Variants in ZC4H2 observed in about 807,000 individuals in gnomAD.
ZC4H2 encodes zinc finger C4H2 domain-containing protein.
For synonymous variants in ZC4H2, 84 were observed against 66.3 expected, an observed-to-expected ratio of 1.27 and a Z score of -1.30; for missense variants, 137 against 173.9, an observed-to-expected ratio of 0.79 and a Z score of 1.19.
chrX:64,975,372 G>A (rs1931913876), intron 1 of ZC4H2, among the ~76,000 whole-genome samples: 1 of 102,614 alleles, frequency 9.7e-6, no homozygotes, highest in Non-Finnish European at 2.0e-5. Flanking sequence ...AGCACTCTAA[G>A]GGTTAAATCT....
chrX:64,984,113 C>T (rs188360970), intron 1 of ZC4H2, among the ~76,000 whole-genome samples: 27 of 111,345 alleles, frequency 2.4e-4, no homozygotes, highest in Non-Finnish European at 4.1e-4. Flanking sequence ...TTTTGAGTCT[C>T]CAGAGTCGAT....
chrX:65,029,393 G>A (rs1932912436), intron 1 of ZC4H2, among the ~76,000 whole-genome samples: 1 of 111,673 alleles, frequency 9.0e-6, no homozygotes, highest in Admixed American at 9.5e-5. Flanking sequence ...GAGGGTGAAT[G>A]GGAAGTGAAG....
intron 1 of ZC4H2, among the ~76,000 whole-genome samples, chrX:64,968,106 A>T (rs896301999): frequency 8.9e-6 from 1 of 112,535 alleles, no homozygotes; most frequent in African/African-American, 3.2e-5. Flanking sequence ...TCTGTTAAGA[A>T]AGGCTTTATT....
chrX:64,944,101 G>A (rs1442234817), intron 1 of ZC4H2, among the ~76,000 whole-genome samples: 1 of 107,348 alleles, frequency 9.3e-6, no homozygotes, highest in East Asian at 2.9e-4. Context: ...GCTTATTTTA[G>A]CTGGATATGA....
intron 1 of ZC4H2, among the ~76,000 whole-genome samples, chrX:64,955,015 T>C (rs1290897578): frequency 1.8e-5 from 2 of 111,875 alleles, no homozygotes; most frequent in Non-Finnish European, 3.8e-5. Flanking sequence ...GGACAGCCAC[T>C]TTGTCCTTCC....
chrX:64,956,833 A>T (rs1296829643), intron 1 of ZC4H2, among the ~76,000 whole-genome samples: 5 of 111,977 alleles, frequency 4.5e-5, no homozygotes. Flanking sequence ...GGTACCCTCT[A>T]CTCTGTCCTT....
intron 1 of ZC4H2, among the ~76,000 whole-genome samples, chrX:64,954,355 A>G (rs1232403436): frequency 1.5e-5 from 1 of 67,118 alleles, no homozygotes; most frequent in Admixed American, 1.6e-4. Context: ...TATATATATA[A>G]TTATATATAT....
intron 1 of ZC4H2, among the ~76,000 whole-genome samples, chrX:65,020,370 G>A (rs1275847667): frequency 1.8e-5 from 2 of 111,709 alleles, no homozygotes; most frequent in East Asian, 5.6e-4. Flanking sequence ...GAATAGTGTG[G>A]GGGCCAATAT....
At position 64,916,797 on chromosome X, in the gene ZC4H2, T is replaced by C. The variant is rs973107733; in HGVS notation, c.*986A>G. On this transcript the variant is annotated 3_prime_UTR_variant, in exon 5 of 5. Coordinates refer to ENST00000374839, the MANE Select transcript of ZC4H2 (RefSeq NM_018684.4). ...TCCTGAGCTGAGGCTCCAGAAGAGT[T>C]CAGATCCAAGAGAGCAAGGGATGAA... 9.0e-6 allele frequency: 1 copy of C among 111,604 alleles called. No homozygotes were observed. Among genetic ancestry groups the C allele is most frequent in the Non-Finnish European group, 1.9e-5 (1 of 53,105 alleles). The allele number at this position is 111,604 out of a possible 1,213,427, so 9.2% of individuals were successfully genotyped here.
chrX:65,011,701 C>CT (rs773822937), intron 1 of ZC4H2, among the ~76,000 whole-genome samples: 126 of 104,340 alleles, frequency 1.2e-3, no homozygotes, highest in African/African-American at 2.4e-3. Flanking sequence ...AGTATGCCAT[C>CT]TTTTTTTTTT....
intron 1 of ZC4H2, among the ~76,000 whole-genome samples, chrX:65,034,458 T>C (rs758119939): frequency 3.6e-5 from 4 of 111,309 alleles, no homozygotes; most frequent in Non-Finnish European, 7.5e-5. Context: ...GCAAATAAAA[T>C]AAAAACAAAT....
rs192694926 is a variant in ZC4H2, at chrX:64,953,813, A to T, written c.53+22512T>A. 6.3e-4 allele frequency among the ~76,000 whole-genome samples: 70 copies of T among 111,678 alleles called. No homozygotes were observed. In the Middle Eastern group the frequency reaches 0.019, roughly 30 times the overall value. ...TACCACTTGACCCAGCCATCCCCTT[A>T]CTGGGTATATACCCAAAGGACTATA... On this transcript the variant is annotated intron_variant, in intron 1 of 4. Coordinates refer to ENST00000374839, the MANE Select transcript of ZC4H2 (RefSeq NM_018684.4).
At chrX:64,966,916 C>T (rs1423194388) in intron 1 of ZC4H2, among the ~76,000 whole-genome samples, 1 of 111,432 alleles carries the variant, frequency 9.0e-6, no homozygotes, top group African/African-American at 3.3e-5. Context: ...CTGAATTGTA[C>T]ACTTGAAATG....
At chrX:64,984,654 G>T (rs770283911) in intron 1 of ZC4H2, among the ~76,000 whole-genome samples, 2 of 111,550 alleles carry the variant, frequency 1.8e-5, no homozygotes, top group East Asian at 5.7e-4. Flanking sequence ...AGGAGCAACT[G>T]GGGAGGCTAG....
intron 1 of ZC4H2, among the ~76,000 whole-genome samples, chrX:64,944,475 T>G (rs768486705): frequency 2.2e-3 from 246 of 111,663 alleles, no homozygotes; most frequent in South Asian, 0.015. Context: ...CTTCTTTTGT[T>G]GGTAACCTGA....
chrX:64,982,395 A>G (rs186729607), intron 1 of ZC4H2, among the ~76,000 whole-genome samples: 1 of 112,243 alleles, frequency 8.9e-6, no homozygotes, highest in East Asian at 2.8e-4. Flanking sequence ...TTTAATGATT[A>G]AATGAAAAGA....
At chrX:64,954,356 T>TTATA (rs777562741) in intron 1 of ZC4H2, among the ~76,000 whole-genome samples, 6 of 67,384 alleles carry the variant, frequency 8.9e-5, no homozygotes, top group African/African-American at 5.6e-4. Flanking sequence ...ATATATATAA[T>TTATA]TATATATATA....
intron 1 of ZC4H2, among the ~76,000 whole-genome samples, chrX:65,019,876 A>C (rs780364405): frequency 8.9e-6 from 1 of 112,269 alleles, no homozygotes; most frequent in Non-Finnish European, 1.9e-5. Flanking sequence ...CAGCACAAGA[A>C]CTTCATGAAG....
At chrX:64,938,862 C>A (rs979207158) in intron 1 of ZC4H2, among the ~76,000 whole-genome samples, 1 of 112,136 alleles carries the variant, frequency 8.9e-6, no homozygotes, top group Admixed American at 9.5e-5. Context: ...GAAGCATTTG[C>A]TTTGAAAACT....
Sources: allele counts gnomAD v4.1 joint callset (sites outside exome capture counted in the v4.1 genomes callset), GRCh38; gene constraint gnomAD v4.1.1; transcripts MANE v1.5; gene names NCBI Gene and HGNC (gene_info 2026-07-23, HGNC 2026-07-21).